SCN2A: variants seen among roughly 807,000 people sequenced by gnomAD.
SCN2A encodes sodium voltage-gated channel alpha subunit 2, also known as sodium channel protein type 2 subunit alpha.
SCN2A carries 20 observed loss-of-function variants against 188.7 expected under a neutral mutation model. That is an observed-to-expected ratio of 0.11 (90% CI 0.07 to 0.15). The LOEUF (loss-of-function observed/expected upper bound fraction) is 0.15. Among genes scored for constraint, SCN2A ranks in the 10% least tolerant of loss-of-function variants. The probability of loss-of-function intolerance (pLI) is 1.00; values close to 1 mark genes in which losing one functional copy is unlikely to be tolerated. For synonymous variants in SCN2A, 804 were observed against 833.1 expected, an observed-to-expected ratio of 0.97 and a Z score of 0.60; for missense variants, 1,278 against 2,445.0, an observed-to-expected ratio of 0.52 and a Z score of 10.07.
At chr2:165,386,388 C>T (rs188185281) in intron 25 of SCN2A, among the ~76,000 whole-genome samples, 3 of 151,888 alleles carry the variant, frequency 2.0e-5, no homozygotes, top group Admixed American at 6.6e-5. Context: ...CGCTTGAACC[C>T]GGGAGGCAGA....
Position 165,294,010 on chromosome 2 carries a change from TAAA to T in SCN2A, c.-51-1737_-51-1735del, listed in dbSNP as rs67417831. ...TTAGGTGTGGTCTTTGAAGGAGAATTAAAAAAAAAAAAAAAAAAAAAAAAAAAA... is the reference window on the plus strand; with the variant it reads ...TTAGGTGTGGTCTTTGAAGGAGAATTAAAAAAAAAAAAAAAAAAAAAAAAA... On this transcript the variant is annotated intron_variant, in intron 1 of 26. Transcript: ENST00000375437. 7,285 of 150,412 alleles carry T rather than the reference TAAA, an allele frequency of 0.048. 24 individuals carry two copies. The highest frequency in any genetic ancestry group is 0.074 in the Middle Eastern group (21 of 284). 9.3% of individuals were successfully genotyped at this position (150,412 alleles called of 1,614,324 possible).
chr2:165,328,910 A>G (rs1347066613), intron 13 of SCN2A, among the ~76,000 whole-genome samples: 4 of 151,000 alleles, frequency 2.6e-5, no homozygotes, highest in Non-Finnish European at 5.9e-5. Flanking sequence ...ATGTAGACAC[A>G]TTGAGTGTGA....
intron 1 of SCN2A, chr2:165,240,098 T>G (rs753609935): frequency 2.0e-5 from 3 of 152,214 alleles, no homozygotes; most frequent in Non-Finnish European, 4.4e-5. Flanking sequence ...CGATTTCTGC[T>G]GGCTATGATG....
At chr2:165,355,604 C>T (rs1350064968) in intron 17 of SCN2A, among the ~76,000 whole-genome samples, 1 of 151,888 alleles carries the variant, frequency 6.6e-6, no homozygotes, top group Non-Finnish European at 1.5e-5. Context: ...AACTGTTTGG[C>T]GAGGAAGATA....
chr2:165,240,456 C>G (rs886269198), intron 1 of SCN2A, among the ~76,000 whole-genome samples: 1 of 152,142 alleles, frequency 6.6e-6, no homozygotes. Flanking sequence ...AACAGCCTTG[C>G]TTCTCTCTGC....
chr2:165,295,967 T>G lies in SCN2A; in HGVS notation c.144T>G (p.Asn48Lys). 1 of 1,614,078 alleles carries G rather than the reference T, an allele frequency of 6.2e-7. No individual in the cohort carries two copies. Among genetic ancestry groups the G allele is most frequent in the Non-Finnish European group, 8.5e-7 (1 of 1,180,018 alleles). Residue 48 changes from asparagine to lysine, a missense_variant, in exon 2 of 27, where the codon AAT becomes AAG. Coordinates refer to ENST00000375437, the MANE Select transcript of SCN2A (RefSeq NM_001040142.2). ...AACGCAAGGATGAGGATGATGAAAA[T>G]GGCCCAAAGCCAAACAGTGACTTGG... ...KQERKDEDDE[N>K]GPKPNSDLEA...
At chr2:165,365,439 GT>G (rs3835935) in intron 18 of SCN2A, among the ~76,000 whole-genome samples, 176 bp downstream of exon 18, 80 of 147,590 alleles carry the variant, frequency 5.4e-4, no homozygotes, top group African/African-American at 1.9e-3. Context: ...ACATTTATTT[GT>G]TTTTTTTTGC....
In SCN2A at chr2:165,389,227, C is replaced by T. The variant is rs1457454456; in HGVS notation, c.5421C>T (p.Pro1807=). ...ATGAGGTTTGGGAGAAGTTTGATCC[C>T]GATGCGACCCAGTTTATAGAGTTTG... ...MFYEVWEKFD[P]DATQFIEFAK... The change falls in exon 27 of 27, where the codon CCC becomes CCT. Residue 1807 remains proline (P), a synonymous_variant. Coordinates refer to ENST00000375437, the MANE Select transcript of SCN2A (RefSeq NM_001040142.2). This position sits in a 1 kb window ranked among gnomAD's most constrained non-coding sequence, Gnocchi z 4.2. 4 of 1,614,024 alleles carry T rather than the reference C, an allele frequency of 2.5e-6. No individual in the cohort carries two copies. Among genetic ancestry groups the T allele is most frequent in the Non-Finnish European group, 2.5e-6 (3 of 1,179,992 alleles).
At chr2:165,378,814 T>C (rs1335871381) in intron 23 of SCN2A, among the ~76,000 whole-genome samples, 1 of 151,814 alleles carries the variant, frequency 6.6e-6, no homozygotes, top group Non-Finnish European at 1.5e-5. Context: ...TGAAAGCCAA[T>C]TGAGCACTAC....
intron 1 of SCN2A, among the ~76,000 whole-genome samples, chr2:165,257,103 G>A (rs893104318): frequency 5.1e-4 from 78 of 152,290 alleles, no homozygotes; most frequent in African/African-American, 1.7e-3. Context: ...ATCATTTCCT[G>A]AATTTAGTTG....
intron 15 of SCN2A, 31 bp from the exon 16 acceptor site, chr2:165,344,524 G>A (rs753544559): frequency 1.1e-5 from 18 of 1,570,784 alleles, no homozygotes; most frequent in Admixed American, 1.7e-5. Context: ...GAAATGCAGA[G>A]CATTAACACT....
At chr2:165,291,575 TTCTCTC>T (rs762280674) in intron 1 of SCN2A, among the ~76,000 whole-genome samples, 1 of 70,552 alleles carries the variant, frequency 1.4e-5, no homozygotes, top group Non-Finnish European at 3.0e-5. Flanking sequence ...CTTCCTTCCT[TTCTCTC>T]TCTCTCTCTC....
intron 12 of SCN2A, 99 bp from the exon 13 acceptor site, chr2:165,326,753 C>T: frequency 8.0e-7 from 1 of 1,257,428 alleles, no homozygotes. Context: ...TCTGAGAAAG[C>T]ATGGTGTATA....
intron 11 of SCN2A, among the ~76,000 whole-genome samples, chr2:165,316,953 T>TA (rs1387920090): frequency 6.6e-6 from 1 of 152,170 alleles, no homozygotes; most frequent in African/African-American, 2.4e-5. Flanking sequence ...CTGAAAACCT[T>TA]AAAGTTTCCA....
chr2:165,294,898 A>C (rs1168845266), intron 1 of SCN2A, among the ~76,000 whole-genome samples: 1 of 152,188 alleles, frequency 6.6e-6, no homozygotes, highest in East Asian at 1.9e-4. Context: ...TTTTTTCTCA[A>C]GTCCAAATTC....
chr2:165,246,716 T>C (rs986003023), intron 1 of SCN2A, among the ~76,000 whole-genome samples: 2 of 152,266 alleles, frequency 1.3e-5, no homozygotes, highest in African/African-American at 2.4e-5. Flanking sequence ...TTCATCCTCA[T>C]ATTCAGTTCC....
chr2:165,298,057 C>T (rs1018258612), intron 3 of SCN2A, among the ~76,000 whole-genome samples: 1 of 152,026 alleles, frequency 6.6e-6, no homozygotes, highest in African/African-American at 2.4e-5. Context: ...GGCATTTACA[C>T]GAAGAACACA....
chr2:165,325,310 T>C (rs1476518967), intron 12 of SCN2A, among the ~76,000 whole-genome samples: 1 of 152,206 alleles, frequency 6.6e-6, no homozygotes, highest in Non-Finnish European at 1.5e-5. Context: ...CTTTATTTCC[T>C]GCTTCCTCAA....
At chr2:165,382,529 G>C (rs989821490) in intron 25 of SCN2A, among the ~76,000 whole-genome samples, 7 of 152,038 alleles carry the variant, frequency 4.6e-5, no homozygotes, top group African/African-American at 1.4e-4. Context: ...CAGGAAAAGA[G>C]GGAGGATGCA....
Sources: allele counts gnomAD v4.1 joint callset (sites outside exome capture counted in the v4.1 genomes callset), GRCh38; gene constraint gnomAD v4.1.1; non-coding constraint Gnocchi (gnomAD v3.1); transcripts MANE v1.5; gene names NCBI Gene and HGNC (gene_info 2026-07-23, HGNC 2026-07-21).